Variants in HIBADH observed in about 807,000 individuals in gnomAD.
HIBADH encodes the protein 3-hydroxyisobutyrate dehydrogenase, also known as 3-hydroxyisobutyrate dehydrogenase, mitochondrial.
Under a neutral mutation model 36.1 loss-of-function variants are expected in HIBADH, and 25 were observed. The ratio of observed to expected loss-of-function variants is 0.69; its 90% confidence interval spans 0.50 to 0.97. The LOEUF is 0.97. Among genes scored for constraint, HIBADH ranks in the 50% least tolerant of loss-of-function variants. The pLI is 0.00. For synonymous variants in HIBADH, 160 were observed against 149.5 expected, an observed-to-expected ratio of 1.07 and a Z score of -0.51; for missense variants, 421 against 418.0, an observed-to-expected ratio of 1.01 and a Z score of -0.06.
chr7:27,659,448 C>T (rs1421427999), intron 1 of HIBADH, among the ~76,000 whole-genome samples: 2 of 152,164 alleles, frequency 1.3e-5, no homozygotes, highest in African/African-American at 4.8e-5. Flanking sequence ...GGCACAGTGG[C>T]TCATGACTGT....
chr7:27,649,214 A>G (rs1786131334), intron 2 of HIBADH: 1 of 312,874 alleles, frequency 3.2e-6, no homozygotes, highest in Non-Finnish European at 5.8e-6. Flanking sequence ...ACTGATACAG[A>G]GCTAAAACAA....
chr7:27,556,543 T>G (rs1784391220), intron 4 of HIBADH, among the ~76,000 whole-genome samples: 1 of 152,228 alleles, frequency 6.6e-6, no homozygotes, highest in South Asian at 2.1e-4. Flanking sequence ...TTTGGCCTTC[T>G]TACACATTTT....
chr7:27,635,085 C>CGTGT (rs750481172), intron 2 of HIBADH, among the ~76,000 whole-genome samples: 13 of 67,928 alleles, frequency 1.9e-4, no homozygotes, highest in South Asian at 1.2e-3. Context: ...TCTCTCTGTG[C>CGTGT]ATGTGTGTGT....
At chr7:27,600,544 G>A (rs1785113645) in intron 4 of HIBADH, among the ~76,000 whole-genome samples, 1 of 152,096 alleles carries the variant, frequency 6.6e-6, no homozygotes, top group Non-Finnish European at 1.5e-5. Context: ...CTTTATCCCA[G>A]TAAGGGTGAG....
At chr7:27,542,438 G>GTTTT (rs150575250) in intron 5 of HIBADH, among the ~76,000 whole-genome samples, 2 of 68,138 alleles carry the variant, frequency 2.9e-5, no homozygotes, top group African/African-American at 6.4e-5. Context: ...TTTTTTTCCC[G>GTTTT]TTTTTTTTTT....
intron 7 of HIBADH, among the ~76,000 whole-genome samples, chr7:27,527,260 C>G (rs1252567307): frequency 6.6e-6 from 1 of 152,132 alleles, no homozygotes; most frequent in East Asian, 1.9e-4. Context: ...ACTGAAACTA[C>G]AAAAGCTTCA....
At chr7:27,553,134 A>T (rs1002252143) in intron 4 of HIBADH, among the ~76,000 whole-genome samples, 2 of 152,214 alleles carry the variant, frequency 1.3e-5, no homozygotes, top group Admixed American at 1.3e-4. Context: ...AGCCTACACA[A>T]GGACAAAGCT....
intron 4 of HIBADH, among the ~76,000 whole-genome samples, chr7:27,599,816 T>A (rs1255409480): frequency 1.3e-5 from 2 of 152,014 alleles, no homozygotes; most frequent in African/African-American, 4.8e-5. Context: ...CAAAAAAGGT[T>A]TGCATGGAAA....
intron 4 of HIBADH, among the ~76,000 whole-genome samples, chr7:27,584,604 G>A (rs1784832411): frequency 6.6e-6 from 1 of 152,002 alleles, no homozygotes; most frequent in African/African-American, 2.4e-5. Flanking sequence ...AATGCAGATA[G>A]TATAGCTGGC....
chr7:27,615,694 G>A (rs1785412681), intron 4 of HIBADH, among the ~76,000 whole-genome samples: 1 of 152,044 alleles, frequency 6.6e-6, no homozygotes, highest in South Asian at 2.1e-4. Flanking sequence ...ATTATGTACA[G>A]CACATAATAC....
At chr7:27,591,273 C>T (rs983615139) in intron 4 of HIBADH, among the ~76,000 whole-genome samples, 4 of 152,138 alleles carry the variant, frequency 2.6e-5, no homozygotes, top group Admixed American at 2.6e-4. Flanking sequence ...CACCTGTGGC[C>T]GGGCGTGGTG....
intron 4 of HIBADH, among the ~76,000 whole-genome samples, chr7:27,594,025 AAAATAAATAAAT>A (rs538937381): frequency 1.5e-4 from 23 of 149,548 alleles, no homozygotes; most frequent in African/African-American, 2.7e-4. Flanking sequence ...TCCGTCTCAA[AAAATAAATAAAT>A]AAATAAATAA....
At chr7:27,604,825 T>G (rs1785191183) in intron 4 of HIBADH, among the ~76,000 whole-genome samples, 1 of 152,152 alleles carries the variant, frequency 6.6e-6, no homozygotes, top group African/African-American at 2.4e-5. Context: ...GGGAGGGTTT[T>G]GCTTTTAAGT....
intron 4 of HIBADH, among the ~76,000 whole-genome samples, chr7:27,612,996 TAG>T (rs1042509126): frequency 7.3e-6 from 1 of 137,380 alleles, no homozygotes. Flanking sequence ...TTTATATATA[TAG>T]GATATATATA....
rs952008287 is a variant in HIBADH, at chr7:27,564,830, T to C, written c.485-21730A>G. On this transcript the variant is annotated intron_variant, in intron 4 of 7. Coordinates refer to ENST00000265395, the MANE Select transcript of HIBADH (RefSeq NM_152740.4). ...TTCATCAACTTTTGTAGTTTTCACATGTTCTGCACATTTAGATTTATAGCA... is the reference window on the plus strand; with the variant it reads ...TTCATCAACTTTTGTAGTTTTCACACGTTCTGCACATTTAGATTTATAGCA... 4.6e-5 allele frequency among the ~76,000 whole-genome samples: 7 copies of C among 152,238 alleles called. 1 individual carries two copies.
chr7:27,623,771 G>A (rs998804762), intron 4 of HIBADH, among the ~76,000 whole-genome samples: 1 of 152,144 alleles, frequency 6.6e-6, no homozygotes, highest in African/African-American at 2.4e-5. Context: ...GGAAAAACAT[G>A]ACATGCTCAT....
intron 4 of HIBADH, among the ~76,000 whole-genome samples, chr7:27,619,250 C>T (rs1368060275): frequency 2.6e-5 from 4 of 152,054 alleles, no homozygotes; most frequent in Admixed American, 6.6e-5. Context: ...TGCATGCAAC[C>T]GTAATCAAAG....
At chr7:27,596,422 GACC>G (rs1785034615) in intron 4 of HIBADH, among the ~76,000 whole-genome samples, 1 of 152,122 alleles carries the variant, frequency 6.6e-6, no homozygotes, top group African/African-American at 2.4e-5. Context: ...GATACATTCG[GACC>G]ACAACATTCT....
intron 4 of HIBADH, among the ~76,000 whole-genome samples, chr7:27,556,749 AGTCT>A (rs1469393224): frequency 3.3e-5 from 5 of 152,170 alleles, no homozygotes; most frequent in Non-Finnish European, 5.9e-5. Flanking sequence ...TCTGTCTCCC[AGTCT>A]GTCTGTTCTT....
Sources: gnomAD v4.1 joint callset for allele counts (sites outside exome capture counted in the v4.1 genomes callset) on GRCh38, gnomAD v4.1.1 for gene constraint, MANE v1.5 for transcripts, NCBI Gene and HGNC (gene_info 2026-07-23, HGNC 2026-07-21) for gene names.